The following TOX3 variants were observed in gnomAD, a reference collection of about 807,000 sequenced individuals.
TOX3 encodes CAG trinucleotide repeat-containing gene F9 protein.
Under a neutral mutation model 64.3 loss-of-function variants are expected in TOX3, and 22 were observed. The observed-to-expected ratio is 0.34, with a 90% confidence interval of 0.24 to 0.49. The LOEUF (loss-of-function observed/expected upper bound fraction) is 0.49. Ranked by LOEUF, TOX3 falls within the 20% of genes least tolerant of loss-of-function variation. The probability of loss-of-function intolerance (pLI) is 0.99; values close to 1 mark genes in which losing one functional copy is unlikely to be tolerated. For synonymous variants in TOX3, 291 were observed against 273.6 expected (o/e 1.06, Z -0.63); for missense variants, 661 against 714.4 (o/e 0.93, Z 0.85).
intron 1 of TOX3, among the ~76,000 whole-genome samples, chr16:52,521,782 C>G (rs1962617442): frequency 6.6e-6 from 1 of 152,122 alleles, no homozygotes; most frequent in African/African-American, 2.4e-5. Flanking sequence ...ATTCTTGGGC[C>G]CTACCCCAGA....
intron 1 of TOX3, among the ~76,000 whole-genome samples, chr16:52,487,786 A>C (rs1348935191): frequency 6.6e-6 from 1 of 152,192 alleles, no homozygotes; most frequent in Non-Finnish European, 1.5e-5. Context: ...ACTTGAAACC[A>C]TTGTTCAACA....
rs61389817 is a variant in TOX3 at position 52,520,532 on chromosome 16, G to A, written c.87+26105C>T. 2.3e-3 allele frequency among the ~76,000 whole-genome samples: 352 copies of A among 152,250 alleles called. 2 individuals carry two copies. Among genetic ancestry groups the A allele is most frequent in the African/African-American group, 8.2e-3 (340 of 41,544 alleles). Reference sequence around the variant, plus strand: ...TCAGTTATTTGTATATCACTTTCATGCATTTTGCCATTTAAAGCAGGTCCA... The same window carrying A: ...TCAGTTATTTGTATATCACTTTCATACATTTTGCCATTTAAAGCAGGTCCA... On this transcript the variant is annotated intron_variant, in intron 1 of 6. Transcript: ENST00000219746.
chr16:52,519,564 G>C, intron 1 of TOX3: 2 of 1,489,894 alleles, frequency 1.3e-6, no homozygotes, highest in Non-Finnish European at 1.8e-6. Context: ...GGTTCAGTGA[G>C]AGAAATGCAT....
intron 3 of TOX3, among the ~76,000 whole-genome samples, chr16:52,451,454 T>C (rs908267906): frequency 2.6e-5 from 4 of 151,606 alleles, no homozygotes; most frequent in Non-Finnish European, 5.9e-5. Context: ...TATTCTCTAT[T>C]TTTTTTTAAT....
chr16:52,497,979 C>T (rs925755290), intron 1 of TOX3, among the ~76,000 whole-genome samples: 4 of 152,052 alleles, frequency 2.6e-5, no homozygotes, highest in South Asian at 2.1e-4. Context: ...GAGGATGATG[C>T]GATCTACTGC....
intron 3 of TOX3, 53 bp downstream of exon 3, chr16:52,463,881 T>G (rs771653202): frequency 1.4e-5 from 21 of 1,474,116 alleles, no homozygotes; most frequent in Non-Finnish European, 1.7e-5. Flanking sequence ...AGATCTTTAC[T>G]ATGATTTGTG....
chr16:52,449,104 CAA>C (rs943096422), intron 4 of TOX3, among the ~76,000 whole-genome samples: 1 of 152,178 alleles, frequency 6.6e-6, no homozygotes, highest in Non-Finnish European at 1.5e-5. Context: ...GGAAACATAA[CAA>C]AAGAGTCTTC....
intron 6 of TOX3, among the ~76,000 whole-genome samples, 193 bp downstream of exon 6, chr16:52,444,083 T>C (rs1043233076): frequency 6.6e-6 from 1 of 152,176 alleles, no homozygotes; most frequent in Non-Finnish European, 1.5e-5. Flanking sequence ...CAACTTAGAC[T>C]CAGCTGCTTA....
intron 1 of TOX3, among the ~76,000 whole-genome samples, chr16:52,495,544 T>C (rs1961824471): frequency 6.6e-6 from 1 of 152,200 alleles, no homozygotes; most frequent in Non-Finnish European, 1.5e-5. Context: ...CTTTCTCCTC[T>C]GGTTATAGGT....
chr16:52,464,631 G>T (rs1960799247), intron 2 of TOX3, among the ~76,000 whole-genome samples: 1 of 152,132 alleles, frequency 6.6e-6, no homozygotes, highest in South Asian at 2.1e-4. Context: ...TTTACTTTCT[G>T]CCACAACATA....
intron 1 of TOX3, among the ~76,000 whole-genome samples, chr16:52,512,917 G>A (rs774795894): frequency 1.4e-4 from 21 of 152,138 alleles, no homozygotes; most frequent in African/African-American, 4.1e-4. Context: ...TAGAGAACAC[G>A]GTGTGAGTAA....
At chr16:52,518,822 C>G (rs1234992314) in intron 1 of TOX3, among the ~76,000 whole-genome samples, 1 of 152,202 alleles carries the variant, frequency 6.6e-6, no homozygotes, top group Non-Finnish European at 1.5e-5. Context: ...GCCTGATGAT[C>G]AATGAACTGC....
At chr16:52,475,242 C>T (rs759423952) in intron 1 of TOX3, among the ~76,000 whole-genome samples, 1 of 152,080 alleles carries the variant, frequency 6.6e-6, no homozygotes, top group Non-Finnish European at 1.5e-5. Context: ...CACTGATGTC[C>T]CAGTAAGAAG....
intron 1 of TOX3, among the ~76,000 whole-genome samples, chr16:52,525,852 G>T (rs1346760115): frequency 6.6e-6 from 1 of 152,094 alleles, no homozygotes; most frequent in Non-Finnish European, 1.5e-5. Flanking sequence ...GCAATACATC[G>T]CATTGAAAGG....
chr16:52,464,557 C>T (rs547121800), intron 2 of TOX3, among the ~76,000 whole-genome samples: 320 of 152,248 alleles, frequency 2.1e-3, no homozygotes, highest in South Asian at 4.8e-3. Context: ...TTATAAAATG[C>T]TGATGATTTT....
chr16:52,538,125 T>C (rs1962997574), intron 1 of TOX3, among the ~76,000 whole-genome samples: 1 of 152,176 alleles, frequency 6.6e-6, no homozygotes, highest in Non-Finnish European at 1.5e-5. Flanking sequence ...AATTTTTAAA[T>C]AAGTCAAATA....
In TOX3 at chr16:52,463,929, C is replaced by G. The variant is rs1003965143; in HGVS notation, c.408+5G>C. ...AATAATTTAAGTAATAAATGTGGTG[C>G]CTACCATATGCAACCCACTGCTATG... On this transcript the variant is annotated splice_donor_5th_base_variant and intron_variant, in intron 3 of 6. Coordinates refer to ENST00000219746, the MANE Select transcript of TOX3 (RefSeq NM_001080430.4). The G allele has an allele frequency of 6.7e-7, 1 of 1,498,340 alleles. No homozygotes were observed. Among genetic ancestry groups the G allele is most frequent in the African/African-American group, 1.4e-5 (1 of 70,680 alleles). 92.8% of individuals were successfully genotyped at this position (1,498,340 alleles called of 1,614,324 possible). A position where few individuals can be genotyped will look rare whatever the true frequency, so the allele number is the denominator to read the frequency against.
intron 1 of TOX3, among the ~76,000 whole-genome samples, chr16:52,507,548 G>A (rs1197548745): frequency 1.3e-5 from 2 of 152,198 alleles, no homozygotes; most frequent in Non-Finnish European, 2.9e-5. Context: ...AAACCTTAAA[G>A]GAGGTAACTG....
At chr16:52,445,244 T>C (rs566648221) in intron 5 of TOX3, 128 of 152,366 alleles carry the variant, frequency 8.4e-4, no homozygotes, top group African/African-American at 3.0e-3. Flanking sequence ...TCAAGGACTT[T>C]CCACTCTTCA....
Sources: allele counts gnomAD v4.1 joint callset (sites outside exome capture counted in the v4.1 genomes callset), GRCh38; gene constraint gnomAD v4.1.1; transcripts MANE v1.5; gene names NCBI Gene and HGNC (gene_info 2026-07-23, HGNC 2026-07-21).